The following TMEM164 variants were observed in gnomAD, a reference collection of about 807,000 sequenced individuals.
TMEM164 encodes the protein transmembrane protein 164, also known as RP13-360B22.2.
Under a neutral mutation model 18.8 loss-of-function variants are expected in TMEM164, and 4 were observed. That is an observed-to-expected ratio of 0.21 (90% CI 0.10 to 0.49). The LOEUF (loss-of-function observed/expected upper bound fraction) is 0.49, where lower values mean the gene tolerates loss of function less well. Among genes scored for constraint, TMEM164 ranks in the 20% least tolerant of loss-of-function variants. The pLI is 0.98. For synonymous variants in TMEM164, 86 were observed against 101.7 expected (o/e 0.85, Z 0.93); for missense variants, 108 against 239.9 (o/e 0.45, Z 3.63).
Position 110,175,896 on chromosome X carries a change from C to T in TMEM164, c.*2445C>T. On this transcript the variant is annotated 3_prime_UTR_variant, in exon 7 of 7. Transcript: ENST00000372068. ...ACCAGACTCTTGGCAGCCTGCCTTACAGGGTAGCCCACCTTATAGGGTAGC... is the reference window on the plus strand; with the variant it reads ...ACCAGACTCTTGGCAGCCTGCCTTATAGGGTAGCCCACCTTATAGGGTAGC... 1 of 755,863 alleles carries T rather than the reference C, an allele frequency of 1.3e-6. No homozygotes were observed. The highest frequency in any genetic ancestry group is 6.7e-5 in the South Asian group (1 of 14,908). The allele number at this position is 755,863 out of a possible 1,213,427, so 62.3% of individuals were successfully genotyped here.
At chrX:110,039,124 G>A (rs1934980347) in intron 2 of TMEM164, among the ~76,000 whole-genome samples, 1 of 111,884 alleles carries the variant, frequency 8.9e-6, no homozygotes. Flanking sequence ...GCCTTGCATG[G>A]TTGTTGTAAA....
intron 4 of TMEM164, among the ~76,000 whole-genome samples, chrX:110,133,908 G>A (rs1179638805): frequency 8.9e-6 from 1 of 111,875 alleles, no homozygotes; most frequent in African/African-American, 3.3e-5. Flanking sequence ...TTAGATGTGG[G>A]AGGAGGAGAG....
intron 6 of TMEM164, among the ~76,000 whole-genome samples, chrX:110,172,578 A>G (rs1318497790): frequency 9.0e-6 from 1 of 110,712 alleles, no homozygotes; most frequent in Non-Finnish European, 1.9e-5. Flanking sequence ...CACCCTTACC[A>G]CTTGCTGCTC....
chrX:110,021,773 A>G (rs963708597), intron 2 of TMEM164, among the ~76,000 whole-genome samples: 4 of 112,276 alleles, frequency 3.6e-5, no homozygotes, highest in Admixed American at 9.4e-5. Context: ...CTCTAACGGT[A>G]GGTTAAGAAA....
intron 4 of TMEM164, among the ~76,000 whole-genome samples, chrX:110,118,935 G>C (rs781617013): frequency 3.4e-4 from 38 of 111,747 alleles, no homozygotes; most frequent in Admixed American, 3.1e-3. Context: ...GATATCTATA[G>C]ATAGAATAAA....
chrX:110,128,699 A>G (rs2066569980), intron 4 of TMEM164, among the ~76,000 whole-genome samples: 2 of 111,429 alleles, frequency 1.8e-5, no homozygotes, highest in Admixed American at 1.9e-4. Flanking sequence ...TTATCTCTTA[A>G]TCTTTCTTTG....
rs1018131291 is a variant in TMEM164, at chrX:110,006,590, TA to T, written c.390+2439del. Among the ~76,000 whole-genome samples, 121 of 102,335 alleles carry T rather than the reference TA, an allele frequency of 1.2e-3. 1 individual carries two copies. The highest frequency in any genetic ancestry group is 4.9e-3 in the Middle Eastern group (1 of 204). 88.9% of individuals were successfully genotyped at this position (102,335 alleles called of 115,157 possible). Reference sequence around the variant, plus strand: ...TGGATTTTTAAAAGTTGATGAGTCCTAAAAAAAAAAAAATTAACAGCAGATG... The same window carrying T: ...TGGATTTTTAAAAGTTGATGAGTCCTAAAAAAAAAAAATTAACAGCAGATG... On this transcript the variant is annotated intron_variant, in intron 2 of 6. Transcript: ENST00000372068.
chrX:110,050,954 C>G (rs1225347664), intron 2 of TMEM164, among the ~76,000 whole-genome samples: 1 of 112,305 alleles, frequency 8.9e-6, no homozygotes, highest in Non-Finnish European at 1.9e-5. Context: ...CTTTCTCAGA[C>G]AGGATGTCTT....
intron 4 of TMEM164, among the ~76,000 whole-genome samples, chrX:110,135,618 G>C (rs936322625): frequency 3.6e-5 from 4 of 110,512 alleles, no homozygotes; most frequent in Non-Finnish European, 7.6e-5. Flanking sequence ...TGTATCTTGG[G>C]GTTTCACCAT....
At chrX:110,016,428 G>A (rs945095808) in intron 2 of TMEM164, among the ~76,000 whole-genome samples, 6 of 111,581 alleles carry the variant, frequency 5.4e-5, no homozygotes, top group Non-Finnish European at 1.1e-4. Flanking sequence ...CCTTTAAAAC[G>A]CTGGAAATGT....
chrX:110,134,022 A>G (rs1469078434), intron 4 of TMEM164, among the ~76,000 whole-genome samples: 4 of 112,194 alleles, frequency 3.6e-5, no homozygotes, highest in African/African-American at 6.5e-5. Flanking sequence ...GTAAAGTTCT[A>G]TGGGTTTTCC....
chrX:110,078,217 T>C (rs2065700866), intron 3 of TMEM164, among the ~76,000 whole-genome samples: 1 of 112,172 alleles, frequency 8.9e-6, no homozygotes, highest in Admixed American at 9.5e-5. Flanking sequence ...TTCTTTGAGG[T>C]CTGAATTTCT....
At chrX:110,069,314 A>G (rs936471749) in intron 3 of TMEM164, among the ~76,000 whole-genome samples, 1 of 111,658 alleles carries the variant, frequency 9.0e-6, no homozygotes, top group African/African-American at 3.3e-5. Flanking sequence ...CCTATCAGCA[A>G]CAGGTGTTAA....
chrX:110,142,494 T>C (rs775897032), intron 4 of TMEM164, among the ~76,000 whole-genome samples: 18 of 112,477 alleles, frequency 1.6e-4, no homozygotes, highest in Non-Finnish European at 3.0e-4. Context: ...GAATGTATCC[T>C]TGAGTAAGTT....
At chrX:110,099,795 G>A (rs2147946585) in intron 3 of TMEM164, among the ~76,000 whole-genome samples, 1 of 112,272 alleles carries the variant, frequency 8.9e-6, no homozygotes, top group East Asian at 2.8e-4. Flanking sequence ...GTTTTGGTGA[G>A]AAATGACATC....
chrX:110,027,712 G>A (rs1183497747), intron 2 of TMEM164, among the ~76,000 whole-genome samples: 6 of 110,016 alleles, frequency 5.5e-5, no homozygotes, highest in African/African-American at 2.0e-4. Flanking sequence ...GTGAGCCGAG[G>A]TCATGCCACT....
intron 2 of TMEM164, among the ~76,000 whole-genome samples, chrX:110,052,599 C>T (rs1935608253): frequency 9.0e-6 from 1 of 111,591 alleles, no homozygotes; most frequent in South Asian, 3.8e-4. Context: ...AGTTCTGGAC[C>T]TACAGTGAGG....
intron 5 of TMEM164, among the ~76,000 whole-genome samples, chrX:110,145,577 G>A: frequency 8.9e-6 from 1 of 111,951 alleles, no homozygotes; most frequent in South Asian, 3.8e-4. Context: ...TTTACTTTCT[G>A]AAAGGCCCTG....
intron 4 of TMEM164, among the ~76,000 whole-genome samples, chrX:110,119,739 C>T (rs1041538525): frequency 1.8e-5 from 2 of 111,020 alleles, no homozygotes; most frequent in East Asian, 5.6e-4. Context: ...GCACTTAGCC[C>T]AGGGCCTGGC....
Sources: gnomAD v4.1 joint callset for allele counts (sites outside exome capture counted in the v4.1 genomes callset) on GRCh38, gnomAD v4.1.1 for gene constraint, MANE v1.5 for transcripts, NCBI Gene and HGNC (gene_info 2026-07-23, HGNC 2026-07-21) for gene names.